Variants in CDH18 observed in about 807,000 individuals in gnomAD.
The protein encoded by CDH18 is cadherin 18.
In CDH18, 31 loss-of-function variants were observed where a neutral mutation model predicts 67.9. The ratio of observed to expected loss-of-function variants is 0.46; its 90% CI spans 0.34 to 0.62. CDH18 has a LOEUF of 0.62. CDH18 is among the 20% of genes least tolerant of loss of function. CDH18 has a pLI of 0.01. For missense variants in CDH18, 890 were observed against 975.5 expected, an observed-to-expected ratio of 0.91 and a Z score of 1.17; for synonymous variants, 362 against 347.2, an observed-to-expected ratio of 1.04 and a Z score of -0.48.
intron 2 of CDH18, among the ~76,000 whole-genome samples, chr5:19,856,240 G>A (rs1175080368): frequency 6.6e-6 from 1 of 152,192 alleles, no homozygotes; most frequent in South Asian, 2.1e-4. Flanking sequence ...CTAAAACTTT[G>A]AAGATAGGGC....
In CDH18 at chr5:19,823,072, C is replaced by T. The variant is rs569175442; in HGVS notation, c.228+15687G>A. 1.2e-3 allele frequency among the ~76,000 whole-genome samples: 188 copies of T among 152,266 alleles called. 1 individual carries two copies. Among genetic ancestry groups the T allele is most frequent in the African/African-American group, 2.9e-3 (119 of 41,550 alleles). ...AAAGAAGAGAAATATGGCTCTGTTC[C>T]GCCTGGCTCACCGGCGGTCAGAGTT... On this transcript the variant is annotated intron_variant, in intron 3 of 12. Coordinates refer to ENST00000382275, the MANE Select transcript of CDH18 (RefSeq NM_004934.5).
intron 5 of CDH18, among the ~76,000 whole-genome samples, chr5:19,654,459 G>A (rs180781683): frequency 2.6e-5 from 4 of 152,288 alleles, no homozygotes; most frequent in East Asian, 1.9e-4. Flanking sequence ...TGTCACAGAC[G>A]TGTGGCTCAT....
intron 1 of CDH18, among the ~76,000 whole-genome samples, chr5:20,416,253 C>G (rs926667187): frequency 6.6e-6 from 1 of 151,980 alleles, no homozygotes; most frequent in Non-Finnish European, 1.5e-5. Flanking sequence ...ACAAGGTCAT[C>G]ATAGAAAGTA....
chr5:19,655,632 A>C (rs1448442134), intron 5 of CDH18, among the ~76,000 whole-genome samples: 1 of 152,136 alleles, frequency 6.6e-6, no homozygotes, highest in Admixed American at 6.6e-5. Context: ...ACATACAGGC[A>C]ATGGCATTTG....
intron 2 of CDH18, among the ~76,000 whole-genome samples, chr5:20,212,637 A>T (rs1208545970): frequency 6.6e-6 from 1 of 152,104 alleles, no homozygotes; most frequent in East Asian, 1.9e-4. Context: ...TTCTTAAGGA[A>T]AAGAATTTTC....
intron 12 of CDH18, among the ~76,000 whole-genome samples, chr5:19,477,418 G>C (rs995806326): frequency 2.6e-4 from 39 of 151,774 alleles, no homozygotes; most frequent in Admixed American, 5.3e-4. Context: ...AAATCTCTGT[G>C]AAAATGGTAA....
rs1035636758 is a variant in CDH18, at chr5:20,241,298, C to T, written c.-518+14146G>A. Among the ~76,000 whole-genome samples, 6 of 152,246 alleles carry T rather than the reference C, an allele frequency of 3.9e-5. No homozygotes were observed. The East Asian group carries it at 7.7e-4, about 20-fold the overall frequency. The stretch of plus-strand genomic sequence containing the variant: ...CTAGAACTGGGGTTTGAACCCAGGC[C>T]TCAGATCTCTCTGACATCAAAACCT... On this transcript the variant is annotated intron_variant, in intron 2 of 14. Coordinates refer to the CDH18 transcript ENST00000507958.
intron 11 of CDH18, among the ~76,000 whole-genome samples, chr5:19,485,086 A>T (rs1740151321): frequency 6.6e-6 from 1 of 152,210 alleles, no homozygotes; most frequent in Non-Finnish European, 1.5e-5. Context: ...AAAAAAGCTA[A>T]TTTTTAAAAT....
chr5:20,069,114 G>A (rs1054941608), intron 2 of CDH18, among the ~76,000 whole-genome samples: 29 of 152,096 alleles, frequency 1.9e-4, no homozygotes, highest in African/African-American at 6.7e-4. Context: ...CCTTCCTGAT[G>A]CTAGGGTTCA....
At chr5:20,541,895 G>C (rs760612147) in intron 1 of CDH18, among the ~76,000 whole-genome samples, 1 of 152,158 alleles carries the variant, frequency 6.6e-6, no homozygotes, top group Non-Finnish European at 1.5e-5. Context: ...ACATTCATTA[G>C]CTTTACATCC....
chr5:20,453,776 A>T (rs1482676099), intron 1 of CDH18, among the ~76,000 whole-genome samples: 6 of 152,106 alleles, frequency 3.9e-5, no homozygotes, highest in African/African-American at 1.4e-4. Flanking sequence ...ATCCTTGAGC[A>T]AACCAGTATC....
chr5:19,747,758 G>GAAA (rs35896977), intron 3 of CDH18, among the ~76,000 whole-genome samples: 1 of 151,126 alleles, frequency 6.6e-6, no homozygotes, highest in Non-Finnish European at 1.5e-5. Context: ...TTAATAATTT[G>GAAA]AAAAAAAAAT....
intron 1 of CDH18, among the ~76,000 whole-genome samples, chr5:20,520,380 T>C (rs948028442): frequency 2.6e-5 from 4 of 152,086 alleles, no homozygotes; most frequent in Non-Finnish European, 4.4e-5. Context: ...AAAACAATCA[T>C]GCATGCAAAA....
At chr5:19,895,663 C>T (rs932395276) in intron 2 of CDH18, among the ~76,000 whole-genome samples, 5 of 152,096 alleles carry the variant, frequency 3.3e-5, no homozygotes, top group African/African-American at 9.7e-5. Context: ...CATACCACAA[C>T]GAAATGGCTC....
intron 1 of CDH18, among the ~76,000 whole-genome samples, chr5:20,480,691 T>C (rs933907620): frequency 2.0e-5 from 3 of 152,080 alleles, no homozygotes; most frequent in African/African-American, 7.2e-5. Flanking sequence ...CTGGAATTAC[T>C]GCACCTGACC....
chr5:19,654,775 G>A (rs1756097031), intron 5 of CDH18, among the ~76,000 whole-genome samples: 1 of 152,142 alleles, frequency 6.6e-6, no homozygotes, highest in Non-Finnish European at 1.5e-5. Flanking sequence ...ATTCCCGGAG[G>A]GAGGTAGCTC....
intron 2 of CDH18, among the ~76,000 whole-genome samples, chr5:20,226,801 G>GT (rs2126479124): frequency 6.6e-6 from 1 of 152,130 alleles, no homozygotes; most frequent in African/African-American, 2.4e-5. Context: ...TATATAAACT[G>GT]TTTAAGTGTC....
At chr5:20,510,483 T>G (rs1317818349) in intron 1 of CDH18, among the ~76,000 whole-genome samples, 1 of 152,166 alleles carries the variant, frequency 6.6e-6, no homozygotes, top group Admixed American at 6.5e-5. Flanking sequence ...CCACTGTGTA[T>G]ATATAACTAT....
intron 6 of CDH18, among the ~76,000 whole-genome samples, chr5:19,591,708 T>C (rs1160036022): frequency 6.6e-6 from 1 of 152,068 alleles, no homozygotes; most frequent in Non-Finnish European, 1.5e-5. Context: ...TGTTTGTGAA[T>C]ATAGATAATT....
Sources: gnomAD v4.1 joint callset for allele counts (sites outside exome capture counted in the v4.1 genomes callset) on GRCh38, gnomAD v4.1.1 for gene constraint, MANE v1.5 for transcripts, NCBI Gene and HGNC (gene_info 2026-07-23, HGNC 2026-07-21) for gene names.